The following GREB1L variants were observed in gnomAD, a reference collection of about 807,000 sequenced individuals.
GREB1L encodes GREB1-like protein.
Under a neutral mutation model 200.8 loss-of-function variants are expected in GREB1L, and 17 were observed. The observed-to-expected ratio is 0.08, with a 90% confidence interval of 0.06 to 0.13. GREB1L has a LOEUF of 0.13. Ranked by LOEUF, GREB1L falls within the 10% of genes least tolerant of loss-of-function variation. The pLI is 1.00. For missense variants in GREB1L, 1,657 were observed against 2,367.7 expected, an observed-to-expected ratio of 0.70 and a Z score of 6.23; for synonymous variants, 789 against 893.0, an observed-to-expected ratio of 0.88 and a Z score of 2.08.
intron 1 of GREB1L, among the ~76,000 whole-genome samples, chr18:21,282,010 T>C (rs2038277704): frequency 6.6e-6 from 1 of 152,180 alleles, no homozygotes; most frequent in African/African-American, 2.4e-5. Context: ...CAGCAGCTCA[T>C]GTCTGTAATC....
chr18:21,459,213 C>T (rs1346359820), intron 15 of GREB1L, among the ~76,000 whole-genome samples: 4 of 151,056 alleles, frequency 2.6e-5, no homozygotes, highest in Non-Finnish European at 4.4e-5. Context: ...AAGCAGTAGA[C>T]ATTGCAGGGG....
chr18:21,521,662 G>T (rs2037601646), intron 32 of GREB1L, among the ~76,000 whole-genome samples: 1 of 151,924 alleles, frequency 6.6e-6, no homozygotes, highest in Admixed American at 6.6e-5. Context: ...GGCATATAGT[G>T]GGCAGAAGCC....
chr18:21,246,201 A>G (rs1009343900), intron 1 of GREB1L, among the ~76,000 whole-genome samples: 1 of 152,190 alleles, frequency 6.6e-6, no homozygotes, highest in African/African-American at 2.4e-5. Context: ...ATATTGGACA[A>G]GTAATTTATT....
Position 21,340,458 on chromosome 18 carries a change from G to A in GREB1L, c.-119-25569G>A, listed in dbSNP as rs188894168. ...ACAAAAAAAACCACATTGGTTTGGA[G>A]TCAGAGGACATGCATTTGAGTGTCA... is the stretch of plus-strand genomic sequence containing the variant. On this transcript the variant is annotated intron_variant, in intron 1 of 32. Transcript: ENST00000424526. Among the ~76,000 whole-genome samples, 4 of 152,118 alleles carry A rather than the reference G, an allele frequency of 2.6e-5. No individual in the cohort carries two copies. The East Asian group carries it at 7.8e-4, about 30-fold the overall frequency.
chr18:21,276,110 A>C (rs1281873814), intron 1 of GREB1L, among the ~76,000 whole-genome samples: 1 of 152,146 alleles, frequency 6.6e-6, no homozygotes, highest in Non-Finnish European at 1.5e-5. Context: ...GTCTTGGGTC[A>C]GGTTTTTACA....
At chr18:21,302,171 G>C (rs775767723) in intron 1 of GREB1L, among the ~76,000 whole-genome samples, 29 of 152,122 alleles carry the variant, frequency 1.9e-4, no homozygotes, top group Non-Finnish European at 3.5e-4. Flanking sequence ...AGCCAACTAA[G>C]ATCTAAGGTA....
chr18:21,257,658 A>T (rs1047380742), intron 1 of GREB1L, among the ~76,000 whole-genome samples: 2 of 152,212 alleles, frequency 1.3e-5, no homozygotes, highest in Non-Finnish European at 2.9e-5. Context: ...AACACATGGC[A>T]TAGTTGCATA....
At chr18:21,446,578 CTCTTTTAAAACCTAAG>C (rs1568018217) in intron 11 of GREB1L, among the ~76,000 whole-genome samples, 1 of 152,120 alleles carries the variant, frequency 6.6e-6, no homozygotes, top group Non-Finnish European at 1.5e-5. Context: ...ATAGCTATTT[CTCTTTTAAAACCTAAG>C]CTTTGTACAT....
intron 18 of GREB1L, among the ~76,000 whole-genome samples, chr18:21,489,262 A>T (rs1380033266): frequency 1.3e-5 from 2 of 152,016 alleles, no homozygotes; most frequent in African/African-American, 4.8e-5. Context: ...CCAGGCTCAG[A>T]TTTGCTTGGC....
intron 5 of GREB1L, among the ~76,000 whole-genome samples, chr18:21,397,340 C>T (rs1286440663): frequency 2.6e-4 from 39 of 151,360 alleles, no homozygotes. Flanking sequence ...AAAAAAACCC[C>T]GTCTCTACTA....
At chr18:21,314,900 T>C (rs1367498958) in intron 1 of GREB1L, among the ~76,000 whole-genome samples, 2 of 152,148 alleles carry the variant, frequency 1.3e-5, no homozygotes, top group African/African-American at 4.8e-5. Context: ...GGACCTCAGA[T>C]CAAAAGATAC....
chr18:21,340,156 G>A (rs1454052933), intron 1 of GREB1L, among the ~76,000 whole-genome samples: 13 of 152,126 alleles, frequency 8.5e-5, no homozygotes, highest in African/African-American at 1.7e-4. Context: ...GGTGGCTCAC[G>A]CCTGTAATCC....
chr18:21,320,164 G>GA (rs2038930125), intron 1 of GREB1L, among the ~76,000 whole-genome samples: 1 of 152,090 alleles, frequency 6.6e-6, no homozygotes, highest in Non-Finnish European at 1.5e-5. Context: ...TCTCATTCAA[G>GA]AATGAGTAAT....
chr18:21,248,575 AATAG>A (rs2037645815), intron 1 of GREB1L, among the ~76,000 whole-genome samples: 1 of 152,256 alleles, frequency 6.6e-6, no homozygotes, highest in South Asian at 2.1e-4. Context: ...ACAAAGATTC[AATAG>A]ATTGATAAAA....
chr18:21,376,746 A>G (rs1004289096), intron 2 of GREB1L, among the ~76,000 whole-genome samples: 5 of 145,040 alleles, frequency 3.4e-5, no homozygotes, highest in African/African-American at 1.3e-4. Flanking sequence ...CGTAGCTTGC[A>G]GTGAGCCGAG....
chr18:21,366,609 G>A (rs1159731993), intron 2 of GREB1L, among the ~76,000 whole-genome samples: 6 of 144,274 alleles, frequency 4.2e-5, no homozygotes, highest in Admixed American at 4.1e-4. Flanking sequence ...AAGGAAAAAG[G>A]TGATGCTCCC....
chr18:21,390,232 A>AT (rs1484316083), intron 4 of GREB1L, among the ~76,000 whole-genome samples: 1 of 152,004 alleles, frequency 6.6e-6, no homozygotes, highest in Admixed American at 6.6e-5. Context: ...AATAAATGTT[A>AT]TTTTTTATTA....
At chr18:21,482,800 G>C (rs1179369523) in intron 17 of GREB1L, among the ~76,000 whole-genome samples, 1 of 152,154 alleles carries the variant, frequency 6.6e-6, no homozygotes, top group African/African-American at 2.4e-5. Flanking sequence ...AGGGAGCATG[G>C]AGGGTCACTG....
At position 21,473,055 on chromosome 18, in the gene GREB1L, A is replaced by C; in HGVS notation, c.2207A>C (p.Glu736Ala). Residue 736 changes from glutamate (E) to alanine (A), a missense_variant, in exon 16 of 33, where the codon GAG (glutamate) becomes GCG (alanine). Around this residue, in one of 9 missense-constraint regions of GREB1L, gnomAD observed 239 missense variants for 421.8 expected, o/e 0.57. Coordinates refer to ENST00000424526, the MANE Select transcript of GREB1L (RefSeq NM_001142966.3). ...QSGVLVDLGL[E>A]ENGTAHQRAE... The stretch of plus-strand genomic sequence containing the variant: ...GGTGTCCTTGTAGACTTGGGTCTGG[A>C]GGAAAATGGGACAGCCCATCAGAGA... The C allele has an allele frequency of 6.5e-7, 1 of 1,543,474 alleles. No individual in the cohort carries two copies. The highest frequency in any genetic ancestry group is 8.7e-7 in the Non-Finnish European group (1 of 1,142,896).
Sources: allele counts gnomAD v4.1 joint callset (sites outside exome capture counted in the v4.1 genomes callset), GRCh38; gene constraint gnomAD v4.1.1; regional missense constraint gnomAD v4.1.1; transcripts MANE v1.5; gene names NCBI Gene and HGNC (gene_info 2026-07-23, HGNC 2026-07-21).